Variants in UPF2 observed in about 807,000 individuals in gnomAD.
UPF2 encodes the protein regulator of nonsense transcripts 2.
Under a neutral mutation model 141.4 loss-of-function variants are expected in UPF2, and 17 were observed. That is an observed-to-expected ratio of 0.12 (90% CI 0.08 to 0.18). The LOEUF (loss-of-function observed/expected upper bound fraction) is 0.18. Among genes scored for constraint, UPF2 ranks in the 10% least tolerant of loss-of-function variants. The pLI is 1.00. For missense variants in UPF2, 1,152 were observed against 1,515.9 expected (o/e 0.76, Z 3.99); for synonymous variants, 540 against 498.0 (o/e 1.08, Z -1.12).
intron 9 of UPF2, among the ~76,000 whole-genome samples, chr10:11,968,870 T>A (rs922806484): frequency 6.6e-6 from 1 of 152,232 alleles, no homozygotes; most frequent in African/African-American, 2.4e-5. Context: ...CACTTTCTTT[T>A]CTTGTTTTCT....
intron 16 of UPF2, among the ~76,000 whole-genome samples, chr10:11,946,920 AT>A (rs1833007814): frequency 6.6e-6 from 1 of 152,224 alleles, no homozygotes; most frequent in Admixed American, 6.5e-5. Flanking sequence ...CTGAAGAATC[AT>A]GGGCCAAATG....
intron 5 of UPF2, among the ~76,000 whole-genome samples, chr10:12,003,405 G>A (rs1320991371): frequency 6.6e-6 from 1 of 152,134 alleles, no homozygotes; most frequent in Non-Finnish European, 1.5e-5. Flanking sequence ...GGTGGGAGAG[G>A]GTTCCAACCA....
rs117509222 is a variant in UPF2 at position 12,016,383 on chromosome 10, G to A, written c.1146-2199C>T. On this transcript the variant is annotated intron_variant, in intron 3 of 21. Coordinates refer to ENST00000357604, the MANE Select transcript of UPF2 (RefSeq NM_015542.4). This position sits in a 1 kb window ranked among gnomAD's most constrained non-coding sequence, Gnocchi z 4.1. ...TCGGCCAAAATTAAATAAAATACTC[G>A]AATAAGTAATGCTCAGAAGTAGGTT... Among the ~76,000 whole-genome samples the A allele has an allele frequency of 2.2e-4, 33 of 151,968 alleles. No homozygotes were observed. The highest frequency in any genetic ancestry group is 2.6e-4 in the Non-Finnish European group (18 of 67,976).
intron 16 of UPF2, among the ~76,000 whole-genome samples, chr10:11,944,710 C>T (rs765560075): frequency 1.8e-4 from 27 of 152,068 alleles, no homozygotes; most frequent in Non-Finnish European, 2.6e-4. Flanking sequence ...CCATCCTTTA[C>T]GTTTCATATT....
chr10:11,984,442 T>C (rs1402911942), intron 8 of UPF2, among the ~76,000 whole-genome samples: 1 of 152,228 alleles, frequency 6.6e-6, no homozygotes, highest in Non-Finnish European at 1.5e-5. Flanking sequence ...ATTTTGATTT[T>C]TCCAGGAACC....
chr10:11,934,148 G>A (rs1438153152), intron 19 of UPF2, among the ~76,000 whole-genome samples: 2 of 152,194 alleles, frequency 1.3e-5, no homozygotes, highest in Admixed American at 6.5e-5. Context: ...GATCTAAAAC[G>A]TGATAACTGA....
chr10:11,996,672 T>A (rs1449016727), intron 8 of UPF2, among the ~76,000 whole-genome samples: 1 of 152,202 alleles, frequency 6.6e-6, no homozygotes, highest in Non-Finnish European at 1.5e-5. Context: ...GTTATAAAAA[T>A]ATTCATCCAT....
chr10:12,038,857 C>A (rs977728681), intron 1 of UPF2, among the ~76,000 whole-genome samples: 5 of 152,082 alleles, frequency 3.3e-5, no homozygotes, highest in Admixed American at 2.6e-4. Flanking sequence ...GAGACAAGGT[C>A]TCAGTACGTT....
chr10:11,938,416 A>G (rs1451490510), intron 18 of UPF2, among the ~76,000 whole-genome samples: 1 of 152,092 alleles, frequency 6.6e-6, no homozygotes, highest in African/African-American at 2.4e-5. Flanking sequence ...AAATTTTTAG[A>G]TCAACTGGCA....
At chr10:12,013,178 T>G (rs1467072193) in intron 4 of UPF2, among the ~76,000 whole-genome samples, 1 of 151,664 alleles carries the variant, frequency 6.6e-6, no homozygotes, top group Admixed American at 6.6e-5. Context: ...ATACAATAAA[T>G]GCATTCACAG....
rs1184229950 is a variant in UPF2 at position 11,921,482 on chromosome 10, A to G, written c.3810-175T>C. Among the ~76,000 whole-genome samples, 1 of 152,244 alleles carries G rather than the reference A, an allele frequency of 6.6e-6. No homozygotes were observed. The highest frequency in any genetic ancestry group is 1.5e-5 in the Non-Finnish European group (1 of 68,040). Reference sequence around the variant, plus strand: ...AAAAATATTCGGGGGAAAAAAACCCAAACAATAAAAAATAACATAAATATT... The same window carrying G: ...AAAAATATTCGGGGGAAAAAAACCCGAACAATAAAAAATAACATAAATATT... On this transcript the variant is annotated intron_variant, in intron 21 of 21. Coordinates refer to ENST00000357604, the MANE Select transcript of UPF2 (RefSeq NM_015542.4). This position sits in a 1 kb window ranked among gnomAD's most constrained non-coding sequence, Gnocchi z 5.9.
chr10:11,993,594 A>C (rs1564359142), intron 8 of UPF2, among the ~76,000 whole-genome samples: 1 of 151,288 alleles, frequency 6.6e-6, no homozygotes, highest in Non-Finnish European at 1.5e-5. Flanking sequence ...ACAAAGCCAC[A>C]AAACAAAACA....
chr10:11,998,403 G>C lies in UPF2; in HGVS notation c.1759-646C>G, dbSNP rs182412742. 7.9e-3 allele frequency among the ~76,000 whole-genome samples: 1,195 copies of C among 152,124 alleles called. 14 individuals are homozygous for C. Among genetic ancestry groups the C allele is most frequent in the African/African-American group, 0.028 (1,147 of 41,496 alleles). On this transcript the variant is annotated intron_variant, in intron 7 of 21. Transcript: ENST00000357604. This position sits in a 1 kb window ranked among gnomAD's most constrained non-coding sequence, Gnocchi z 4.5. Reference sequence around the variant, plus strand: ...ACCACCTGGACAGACTTTTTTCTGAGACAAGGTCTCACTCTGTCACCCAGG... The same window carrying C: ...ACCACCTGGACAGACTTTTTTCTGACACAAGGTCTCACTCTGTCACCCAGG...
Position 11,920,289 on chromosome 10 carries a change from T to TA in UPF2, c.*1008dup, listed in dbSNP as rs1832623181. The stretch of plus-strand genomic sequence containing the variant: ...ACCAAAGACAGCTGTCCTAAGAAAT[T>TA]AACAGATTGTCAGAAACAGACTAAG... On this transcript the variant is annotated 3_prime_UTR_variant, in exon 22 of 22. Transcript: ENST00000357604. 1 of 151,726 alleles carries TA rather than the reference T, an allele frequency of 6.6e-6. No individual in the cohort carries two copies. The highest frequency in any genetic ancestry group is 2.1e-4 in the South Asian group (1 of 4,810). 9.4% of individuals were successfully genotyped at this position (151,726 alleles called of 1,614,324 possible).
At position 11,956,264 on chromosome 10, in the gene UPF2, A is replaced by G. The variant is rs1408236992; in HGVS notation, c.2574+56T>C. 3.3e-6 allele frequency: 5 copies of G among 1,527,296 alleles called. No homozygotes were observed. The African/African-American group carries it at 5.5e-5, about 17-fold the overall frequency. The allele number at this position is 1,527,296 out of a possible 1,614,324, so 94.6% of individuals were successfully genotyped here. A position where few individuals can be genotyped will look rare whatever the true frequency, so the allele number is the denominator to read the frequency against. On this transcript the variant is annotated intron_variant, in intron 13 of 21. Transcript: ENST00000357604. The surrounding 1 kb of genome is among the most constrained non-coding windows in gnomAD (Gnocchi z 4.2). The stretch of plus-strand genomic sequence containing the variant: ...ACTTGAGTCTCAATAGTAACCTAGA[A>G]ATAATAAATTCTCCACGAATTCCAG...
At chr10:12,001,624 C>T (rs959431201) in intron 6 of UPF2, 52 bp downstream of exon 6, 6 of 1,504,714 alleles carry the variant, frequency 4.0e-6, no homozygotes, top group Non-Finnish European at 5.4e-6. Flanking sequence ...TAGGCAAGAG[C>T]TCTGTGTGTA....
intron 2 of UPF2, among the ~76,000 whole-genome samples, chr10:12,030,362 C>T (rs551652538): frequency 2.0e-5 from 3 of 151,784 alleles, no homozygotes; most frequent in Non-Finnish European, 4.4e-5. Flanking sequence ...GGTGAAACCC[C>T]GTCTCTACTA....
At chr10:12,005,938 G>A (rs1218964901) in intron 4 of UPF2, among the ~76,000 whole-genome samples, 1 of 152,016 alleles carries the variant, frequency 6.6e-6, no homozygotes, top group Non-Finnish European at 1.5e-5. Context: ...GGCGTGCAGT[G>A]ACATGATCAT....
Position 11,938,905 on chromosome 10 carries a change from C to T in UPF2, c.3379-2193G>A, listed in dbSNP as rs1329808285. 1.0e-4 allele frequency among the ~76,000 whole-genome samples: 12 copies of T among 116,304 alleles called. No individual in the cohort carries two copies. The Admixed American group carries it at 1.4e-3, about 13-fold the overall frequency. 76.3% of individuals were successfully genotyped at this position (116,304 alleles called of 152,430 possible). On this transcript the variant is annotated intron_variant, in intron 18 of 21. Coordinates refer to ENST00000357604, the MANE Select transcript of UPF2 (RefSeq NM_015542.4). ...TTTGGAGACGGAGTCTCACTCTGTC[C>T]CCCCCATGCAGAGAGACTGTGCAGT...
Sources: allele counts gnomAD v4.1 joint callset (sites outside exome capture counted in the v4.1 genomes callset), GRCh38; gene constraint gnomAD v4.1.1; non-coding constraint Gnocchi (gnomAD v3.1); transcripts MANE v1.5; gene names NCBI Gene and HGNC (gene_info 2026-07-23, HGNC 2026-07-21).